Variants in NRXN3 observed in about 807,000 individuals in gnomAD.
The protein encoded by NRXN3 is neurexin 3, also known as neurexin III.
In NRXN3, 32 loss-of-function variants were observed where a neutral mutation model predicts 137.6. The observed-to-expected ratio is 0.23, with a 90% CI of 0.18 to 0.31. NRXN3 has a LOEUF of 0.31. Among genes scored for constraint, NRXN3 ranks in the 10% least tolerant of loss-of-function variants. The pLI is 1.00. For synonymous variants in NRXN3, 798 were observed against 784.5 expected, an observed-to-expected ratio of 1.02 and a Z score of -0.29; for missense variants, 1,574 against 2,062.5, an observed-to-expected ratio of 0.76 and a Z score of 4.59.
chr14:78,171,584 T>G (rs2058729017), intron 1 of NRXN3, among the ~76,000 whole-genome samples: 3 of 152,128 alleles, frequency 2.0e-5, no homozygotes, highest in Admixed American at 2.0e-4. Context: ...CCTCTCTCTT[T>G]TTTAACCACA....
chr14:78,644,734 A>T (rs1194782376), intron 4 of NRXN3, among the ~76,000 whole-genome samples: 1 of 152,198 alleles, frequency 6.6e-6, no homozygotes, highest in Non-Finnish European at 1.5e-5. Context: ...CAGAACAGTT[A>T]ATTATCCATT....
intron 15 of NRXN3, among the ~76,000 whole-genome samples, chr14:79,146,421 A>G (rs2059307810): frequency 6.6e-6 from 1 of 152,180 alleles, no homozygotes; most frequent in South Asian, 2.1e-4. Context: ...TAGTAACATG[A>G]CAAATTCAAG....
chr14:79,013,409 A>G (rs1315599694), intron 15 of NRXN3, among the ~76,000 whole-genome samples: 1 of 152,106 alleles, frequency 6.6e-6, no homozygotes, highest in African/African-American at 2.4e-5. Flanking sequence ...CTTACATGAT[A>G]TTGGTTTTCA....
At chr14:78,692,183 T>G (rs2098177756) in intron 6 of NRXN3, among the ~76,000 whole-genome samples, 1 of 152,194 alleles carries the variant, frequency 6.6e-6, no homozygotes, top group Non-Finnish European at 1.5e-5. Flanking sequence ...AGTCCAAAAT[T>G]AAGCTCTAAA....
chr14:78,568,903 T>C (rs10131136), intron 4 of NRXN3, among the ~76,000 whole-genome samples: 40,904 of 151,114 alleles, frequency 0.27, 9,842 homozygotes, highest in African/African-American at 0.65. Context: ...TAGATAGCTG[T>C]GCTCTTCCCC....
At chr14:78,262,947 T>C (rs1418908923) in intron 2 of NRXN3, among the ~76,000 whole-genome samples, 1 of 152,158 alleles carries the variant, frequency 6.6e-6, no homozygotes, top group Non-Finnish European at 1.5e-5. Flanking sequence ...CGATCTACCC[T>C]CCACCCAGTA....
intron 4 of NRXN3, among the ~76,000 whole-genome samples, chr14:78,352,653 C>T (rs1379848129): frequency 1.3e-5 from 2 of 152,150 alleles, no homozygotes; most frequent in Non-Finnish European, 2.9e-5. Context: ...GGATTTTCTG[C>T]CATCTCAGAA....
chr14:79,014,048 A>T (rs186541631), intron 15 of NRXN3, among the ~76,000 whole-genome samples: 2 of 152,330 alleles, frequency 1.3e-5, no homozygotes, highest in East Asian at 3.9e-4. Context: ...ACCATCATTC[A>T]CTAAAGTGGC....
At chr14:78,917,229 C>A (rs906653102) in intron 10 of NRXN3, among the ~76,000 whole-genome samples, 7 of 152,018 alleles carry the variant, frequency 4.6e-5, no homozygotes, top group African/African-American at 1.5e-4. Flanking sequence ...TATACTGTTT[C>A]CAGGTATAGT....
intron 4 of NRXN3, among the ~76,000 whole-genome samples, chr14:78,360,428 G>C (rs777988116): frequency 1.3e-5 from 2 of 152,132 alleles, no homozygotes; most frequent in Non-Finnish European, 2.9e-5. Flanking sequence ...TTAACATAAG[G>C]TGTTTGCTTT....
At chr14:78,261,382 T>C (rs1359420227) in intron 2 of NRXN3, among the ~76,000 whole-genome samples, 1 of 152,208 alleles carries the variant, frequency 6.6e-6, no homozygotes, top group Non-Finnish European at 1.5e-5. Flanking sequence ...TGCTTTTTAT[T>C]CTGTTGTCTT....
chr14:79,708,788 A>C (rs951904263), intron 19 of NRXN3, among the ~76,000 whole-genome samples: 1 of 152,166 alleles, frequency 6.6e-6, no homozygotes, highest in Non-Finnish European at 1.5e-5. Flanking sequence ...GTGATTTGTA[A>C]GGTTCTCCTT....
intron 15 of NRXN3, among the ~76,000 whole-genome samples, chr14:79,104,557 A>C (rs888391169): frequency 1.3e-5 from 2 of 152,284 alleles, no homozygotes; most frequent in East Asian, 3.9e-4. Context: ...GCCGTGGGTC[A>C]GGCTCTGTGG....
chr14:79,624,319 A>G (rs1013318262), intron 16 of NRXN3, among the ~76,000 whole-genome samples: 1 of 152,190 alleles, frequency 6.6e-6, no homozygotes, highest in Non-Finnish European at 1.5e-5. Flanking sequence ...GGTTCACAGG[A>G]AGACCAAAGA....
At chr14:79,504,648 T>TATATATATATATATATATAA (rs2096857281) in intron 16 of NRXN3, among the ~76,000 whole-genome samples, 1 of 122,244 alleles carries the variant, frequency 8.2e-6, no homozygotes, top group African/African-American at 3.4e-5. Flanking sequence ...TTTTTATATA[T>TATATATATATATATATATAA]ATATATGTAT....
At chr14:79,529,235 C>T (rs552481779) in intron 16 of NRXN3, among the ~76,000 whole-genome samples, 1 of 152,190 alleles carries the variant, frequency 6.6e-6, no homozygotes, top group South Asian at 2.1e-4. Flanking sequence ...GCAGGCGGTA[C>T]GTGACAGGGG....
At chr14:79,002,763 T>A (rs2099544268) in intron 15 of NRXN3, among the ~76,000 whole-genome samples, 2 of 152,110 alleles carry the variant, frequency 1.3e-5, no homozygotes, top group Non-Finnish European at 2.9e-5. Context: ...CAAACGGTAT[T>A]TCTGGTTCTA....
chr14:78,461,438 A>G (rs755512654), intron 4 of NRXN3, among the ~76,000 whole-genome samples: 1 of 152,130 alleles, frequency 6.6e-6, no homozygotes, highest in Non-Finnish European at 1.5e-5. Flanking sequence ...TTTCAACACA[A>G]GAAAGGTTCT....
chr14:78,412,413 GGT>G (rs1338552108), intron 4 of NRXN3, among the ~76,000 whole-genome samples: 3 of 151,520 alleles, frequency 2.0e-5, no homozygotes, highest in Non-Finnish European at 2.9e-5. Flanking sequence ...GAAATTTGGA[GGT>G]GTTTTTTTAC....
Sources: gnomAD v4.1 joint callset for allele counts (sites outside exome capture counted in the v4.1 genomes callset) on GRCh38, gnomAD v4.1.1 for gene constraint, MANE v1.5 for transcripts, NCBI Gene and HGNC (gene_info 2026-07-23, HGNC 2026-07-21) for gene names.